Variants in KMT2E observed in about 807,000 individuals in gnomAD.
The protein encoded by KMT2E is histone reader KMT2E.
In KMT2E, 30 loss-of-function variants were observed where a neutral mutation model predicts 184.6. That is an observed-to-expected ratio of 0.16 (90% CI 0.12 to 0.22). The LOEUF (loss-of-function observed/expected upper bound fraction) is 0.22, where lower values mean the gene tolerates loss of function less well. Ranked by LOEUF, KMT2E falls within the 10% of genes least tolerant of loss-of-function variation. The pLI, the probability that KMT2E is intolerant of heterozygous loss-of-function variation, is 1.00. For synonymous variants in KMT2E, 815 were observed against 776.5 expected, an observed-to-expected ratio of 1.05 and a Z score of -0.82; for missense variants, 2,023 against 2,237.4, an observed-to-expected ratio of 0.90 and a Z score of 1.93.
intron 3 of KMT2E, among the ~76,000 whole-genome samples, chr7:105,048,393 A>G (rs145511716): frequency 6.6e-6 from 1 of 152,218 alleles, no homozygotes; most frequent in East Asian, 1.9e-4. Context: ...CAGCCAAATG[A>G]AGGATTAAAT....
rs1296829427 is a variant in KMT2E at position 105,063,450 on chromosome 7, A to G, written c.286A>G (p.Asn96Asp). ...TGAAGTAGGCATATTTACCACTCCT[A>G]ATTTTGATGAAACTTCCAGTGCTAC... ...KNEVGIFTTP[N>D]FDETSSATTI... is the part of the protein sequence containing the mutation. Residue 96 changes from asparagine to aspartate, a missense_variant, in exon 5 of 27, where the codon AAT becomes GAT. Physicochemically the swap from Asn to Asp is conservative, Grantham distance 23. Transcript: ENST00000311117. 2 of 1,613,828 alleles carry G rather than the reference A, an allele frequency of 1.2e-6. No homozygotes were observed. Among genetic ancestry groups the G allele is most frequent in the South Asian group, 2.2e-5 (2 of 91,070 alleles).
intron 15 of KMT2E, among the ~76,000 whole-genome samples, chr7:105,097,363 T>G (rs1487334339): frequency 6.6e-6 from 1 of 152,084 alleles, no homozygotes; most frequent in Non-Finnish European, 1.5e-5. Context: ...ATTGTGGTGT[T>G]AGTGAAAGGG....
intron 3 of KMT2E, among the ~76,000 whole-genome samples, chr7:105,059,973 T>G (rs1272833723): frequency 1.6e-5 from 2 of 128,890 alleles, no homozygotes; most frequent in African/African-American, 2.9e-5. Flanking sequence ...GATTTTCTTG[T>G]TGTTGTTTTT....
chr7:105,101,589 G>C lies in KMT2E; in HGVS notation c.1887G>C (p.Gln629His). 1 of 1,524,900 alleles carries C rather than the reference G, an allele frequency of 6.6e-7. No individual in the cohort carries two copies. Among genetic ancestry groups the C allele is most frequent in the Non-Finnish European group, 8.7e-7 (1 of 1,144,576 alleles). 94.5% of individuals were successfully genotyped at this position (1,524,900 alleles called of 1,614,324 possible). A position where few individuals can be genotyped will look rare whatever the true frequency, so the allele number is the denominator to read the frequency against. ...TQIVSDAEVI[Q>H]EQAKEENASK... is the part of the protein sequence containing the mutation. ...TTGTCAGTGATGCTGAAGTTATTCAGGTATTATTTATTCAGGTCGTTTTAT... is the reference window on the plus strand; with the variant it reads ...TTGTCAGTGATGCTGAAGTTATTCACGTATTATTTATTCAGGTCGTTTTAT... The change falls in exon 16 of 27, where the codon CAG becomes CAC. Residue 629 changes from glutamine to histidine, a missense_variant and splice_region_variant. Gln to His is a conservative substitution (Grantham distance 24). Transcript: ENST00000311117.
intron 13 of KMT2E, among the ~76,000 whole-genome samples, chr7:105,087,159 C>G (rs75009137): frequency 0.27 from 39,598 of 145,838 alleles, 7,857 homozygotes; most frequent in East Asian, 0.64. Context: ...GTCATGCGGA[C>G]TGGTATATAA....
intron 6 of KMT2E, among the ~76,000 whole-genome samples, chr7:105,068,298 GT>G (rs1009355637): frequency 9.9e-5 from 15 of 151,656 alleles, no homozygotes; most frequent in African/African-American, 3.4e-4. Context: ...TAGTTAGACT[GT>G]TTTGTCTTAT....
intron 3 of KMT2E, among the ~76,000 whole-genome samples, chr7:105,046,079 C>T (rs1242571624): frequency 6.6e-6 from 1 of 152,134 alleles, no homozygotes; most frequent in Non-Finnish European, 1.5e-5. Context: ...GGGCTCTACT[C>T]ACATAGCCCT....
rs1307004025 is a variant in KMT2E, at chr7:105,114,632, C to G, written c.*1299C>G. On this transcript the variant is annotated 3_prime_UTR_variant, in exon 27 of 27. Transcript: ENST00000311117. ...ATAATAATGATACTGTTTTATCAAT[C>G]AACATATTTTTCATCATCCAATTAC... Among the ~76,000 whole-genome samples the G allele has an allele frequency of 2.0e-5, 3 of 152,148 alleles. No individual in the cohort carries two copies. The highest frequency in any genetic ancestry group is 2.9e-5 in the Non-Finnish European group (2 of 68,014).
At chr7:105,065,401 C>T (rs1171603506) in intron 5 of KMT2E, among the ~76,000 whole-genome samples, 1 of 152,092 alleles carries the variant, frequency 6.6e-6, no homozygotes, top group Non-Finnish European at 1.5e-5. Context: ...ATATATTTCA[C>T]ATTCTGTCAG....
chr7:105,046,934 TCA>T (rs1202799405), intron 3 of KMT2E, among the ~76,000 whole-genome samples: 1 of 152,208 alleles, frequency 6.6e-6, no homozygotes, highest in East Asian at 1.9e-4. Flanking sequence ...CTGGAAGGAC[TCA>T]CAGGATCCAG....
At chr7:105,096,282 C>T (rs762503149) in intron 15 of KMT2E, among the ~76,000 whole-genome samples, 2 of 150,962 alleles carry the variant, frequency 1.3e-5, no homozygotes, top group Non-Finnish European at 3.0e-5. Context: ...GACACTTCCT[C>T]CCCCATTTAT....
chr7:105,098,269 C>T (rs1393114044), intron 15 of KMT2E, among the ~76,000 whole-genome samples: 2 of 149,464 alleles, frequency 1.3e-5, no homozygotes, highest in Non-Finnish European at 1.5e-5. Context: ...GACAGGGCCT[C>T]GCTCTGTTGC....
chr7:105,088,526 A>C (rs193184174), intron 13 of KMT2E, among the ~76,000 whole-genome samples: 8 of 152,366 alleles, frequency 5.3e-5, no homozygotes, highest in African/African-American at 1.4e-4. Flanking sequence ...ACATTCAACT[A>C]CTTAAAACAT....
Position 105,101,978 on chromosome 7 carries a change from C to G in KMT2E, c.1980C>G (p.His660Gln). ...AAAGTTTTTCTCGGAGTAGGACTCA[C>G]ATTGGACAGCAGCGTCGGAGACACA... Reference protein sequence around the residue: ...QRKSFSRSRTHIGQQRRRHRT... With the variant: ...QRKSFSRSRTQIGQQRRRHRT... The change falls in exon 17 of 27, where the codon CAC (histidine) becomes CAG (glutamine). Residue 660 changes from histidine (H) to glutamine (Q), a missense_variant. By Grantham distance (24) the His-to-Gln change is conservative. Transcript: ENST00000311117. 6.8e-6 allele frequency: 11 copies of G among 1,613,928 alleles called. No homozygotes were observed. Among genetic ancestry groups the G allele is most frequent in the Non-Finnish European group, 9.3e-6 (11 of 1,179,900 alleles).
At chr7:105,024,055 T>C (rs1795073674) in intron 1 of KMT2E, among the ~76,000 whole-genome samples, 1 of 152,220 alleles carries the variant, frequency 6.6e-6, no homozygotes, top group South Asian at 2.1e-4. Flanking sequence ...TTTTCAGTTA[T>C]AGCAAAATGT....
chr7:105,031,351 C>G (rs552422221), intron 1 of KMT2E, among the ~76,000 whole-genome samples: 2 of 105,324 alleles, frequency 1.9e-5, no homozygotes, highest in Admixed American at 1.4e-4. Flanking sequence ...GAGCAAACTC[C>G]GTCTGAGGAT....
At chr7:105,082,357 T>C (rs533396058) in intron 13 of KMT2E, among the ~76,000 whole-genome samples, 2 of 152,246 alleles carry the variant, frequency 1.3e-5, no homozygotes, top group South Asian at 4.2e-4. Flanking sequence ...GCGTATACAT[T>C]TTGACTCCCC....
In KMT2E at chr7:105,063,548, T is replaced by C; in HGVS notation, c.384T>C (p.Asp128=). ...VTRCICGFTH[D]DGYMICCDKC... ...GGTGCATATGTGGTTTTACACATGA[T>C]GATGGATACATGATCTGTTGTGACA... The change falls in exon 5 of 27, where the codon GAT becomes GAC. Residue 128 remains aspartate, a synonymous_variant. Coordinates refer to ENST00000311117, the MANE Select transcript of KMT2E (RefSeq NM_182931.3). The C allele has an allele frequency of 6.2e-7, 1 of 1,609,608 alleles. No individual in the cohort carries two copies.
intron 15 of KMT2E, among the ~76,000 whole-genome samples, chr7:105,092,166 C>T (rs905891905): frequency 6.6e-6 from 1 of 152,146 alleles, no homozygotes; most frequent in African/African-American, 2.4e-5. Context: ...GCTCACACCA[C>T]TCACTTTGGG....
Sources: gnomAD v4.1 joint callset for allele counts (sites outside exome capture counted in the v4.1 genomes callset) on GRCh38, gnomAD v4.1.1 for gene constraint, MANE v1.5 for transcripts, NCBI Gene and HGNC (gene_info 2026-07-23, HGNC 2026-07-21) for gene names.